Variants in TENM3 observed in about 807,000 individuals in gnomAD.
TENM3 encodes teneurin transmembrane protein 3, also known as teneurin-3.
TENM3 carries 63 observed loss-of-function variants against 255.1 expected under a neutral mutation model. The ratio of observed to expected loss-of-function variants is 0.25; its 90% CI spans 0.20 to 0.30. The LOEUF (loss-of-function observed/expected upper bound fraction) is 0.30. Ranked by LOEUF, TENM3 falls within the 10% of genes least tolerant of loss-of-function variation. TENM3 has a pLI of 1.00. For synonymous variants in TENM3, 1,306 were observed against 1,322.3 expected (o/e 0.99, Z 0.27); for missense variants, 2,929 against 3,461.1 (o/e 0.85, Z 3.86).
In TENM3 at chr4:182,743,357, C is replaced by A. The variant is rs189480567; in HGVS notation, c.3567C>A (p.Gly1189=). ...ACGIDGSLYV[G]DFNYVRRIFP... ...GGATCGATGGCAGTCTGTACGTAGG[C>A]GATTTCAACTATGTGCGGCGGATAT... Residue 1189 remains glycine (G), a synonymous_variant, in exon 19 of 28, where the codon GGC becomes GGA. Transcript: ENST00000511685. 6.2e-7 allele frequency: 1 copy of A among 1,613,800 alleles called. No individual in the cohort carries two copies. The highest frequency in any genetic ancestry group is 1.7e-5 in the Admixed American group (1 of 60,004).
intron 1 of TENM3, among the ~76,000 whole-genome samples, chr4:182,285,989 G>A (rs896914609): frequency 1.3e-5 from 2 of 152,100 alleles, no homozygotes; most frequent in Non-Finnish European, 2.9e-5. Flanking sequence ...ACTTCCCAGG[G>A]CTTTGCTGGG....
chr4:182,208,093 G>T (rs1176086370), intron 1 of TENM3, among the ~76,000 whole-genome samples: 1 of 152,166 alleles, frequency 6.6e-6, no homozygotes, highest in African/African-American at 2.4e-5. Context: ...TTTTAATAAT[G>T]CAAGCTGCTT....
chr4:181,477,522 T>C, the TENM3 span, among the ~76,000 whole-genome samples: 309 of 152,312 alleles, frequency 2.0e-3, 3 homozygotes, highest in Admixed American at 0.016. Flanking sequence ...TGTAAAGGTT[T>C]GAATACCCAC....
At chr4:182,032,976 A>T in the TENM3 span, among the ~76,000 whole-genome samples, 1,062 of 143,964 alleles carry the variant, frequency 7.4e-3, 9 homozygotes, top group African/African-American at 0.025. Context: ...TATTTTATTA[A>T]TTTTTTCAAA....
chr4:182,162,625 A>T (rs1328642067), intron 1 of TENM3, among the ~76,000 whole-genome samples: 1 of 152,108 alleles, frequency 6.6e-6, no homozygotes, highest in African/African-American at 2.4e-5. Flanking sequence ...GACAATAGAA[A>T]TTTATTTTTC....
At chr4:181,982,358 C>T in the TENM3 span, among the ~76,000 whole-genome samples, 1 of 152,086 alleles carries the variant, frequency 6.6e-6, no homozygotes, top group Non-Finnish European at 1.5e-5. Flanking sequence ...AAAAAGAAAA[C>T]AATTCAGAGC....
the TENM3 span, among the ~76,000 whole-genome samples, chr4:181,786,760 C>G: frequency 2.6e-5 from 4 of 150,946 alleles, no homozygotes; most frequent in African/African-American, 9.8e-5. Context: ...CATAGGGAGT[C>G]GCTCCCAGCA....
At position 182,569,490 on chromosome 4, in the gene TENM3, G is replaced by T. The variant is rs192940530; in HGVS notation, c.512-31434G>T. 2.2e-3 allele frequency among the ~76,000 whole-genome samples: 328 copies of T among 151,818 alleles called. 2 individuals are homozygous for T. Among genetic ancestry groups the T allele is most frequent in the Admixed American group, 7.0e-3 (107 of 15,230 alleles). On this transcript the variant is annotated intron_variant, in intron 3 of 27. Transcript: ENST00000511685. The stretch of plus-strand genomic sequence containing the variant: ...AATGGCTTGAACCTGGGAGGCGGAG[G>T]TTGCAGCAAGCCAATATTGCGCCAC...
rs115432874 is a variant in TENM3, at chr4:182,335,666, C to G, written c.233-10985C>G. On this transcript the variant is annotated intron_variant, in intron 2 of 27. Coordinates refer to ENST00000511685, the MANE Select transcript of TENM3 (RefSeq NM_001080477.4). ...AAATTAGAATGTTTCTAACAGAAAA[C>G]CCAGAAGAAAAGATAGACTTAAATG... Among the ~76,000 whole-genome samples, 1,360 of 151,690 alleles carry G rather than the reference C, an allele frequency of 9.0e-3. 21 individuals carry two copies. The highest frequency in any genetic ancestry group is 0.032 in the African/African-American group (1,315 of 41,394).
the TENM3 span, among the ~76,000 whole-genome samples, chr4:182,094,270 G>A: frequency 7.9e-5 from 12 of 151,804 alleles, no homozygotes; most frequent in African/African-American, 2.7e-4. Context: ...TTTTGAGACG[G>A]AGTTTTGCTC....
At chr4:182,100,837 ATACT>A in the TENM3 span, among the ~76,000 whole-genome samples, 1 of 5,936 alleles carries the variant, frequency 1.7e-4, no homozygotes, top group African/African-American at 3.3e-4. Context: ...ATATATATAT[ATACT>A]CATATATATA....
intron 1 of TENM3, among the ~76,000 whole-genome samples, chr4:182,161,772 T>C: frequency 1.9e-4 from 1 of 5,264 alleles, no homozygotes; most frequent in Non-Finnish European, 3.8e-4. Context: ...TATATGTGTA[T>C]ATATATATAC....
chr4:182,336,186 T>G (rs1218753941), intron 2 of TENM3, among the ~76,000 whole-genome samples: 1 of 152,186 alleles, frequency 6.6e-6, no homozygotes, highest in Non-Finnish European at 1.5e-5. Flanking sequence ...CAGTTCTTCA[T>G]TCAGACACAG....
the TENM3 span, among the ~76,000 whole-genome samples, chr4:181,892,954 T>C: frequency 2.6e-5 from 4 of 152,226 alleles, no homozygotes; most frequent in Admixed American, 6.5e-5. Flanking sequence ...AATTCTACCA[T>C]TGAATTTAAA....
intron 24 of TENM3, among the ~76,000 whole-genome samples, chr4:182,781,254 T>C (rs1381702219): frequency 1.3e-5 from 2 of 148,722 alleles, no homozygotes; most frequent in Admixed American, 6.7e-5. Context: ...TTATTGAGAG[T>C]TTTTAGCATG....
the TENM3 span, among the ~76,000 whole-genome samples, chr4:181,890,750 A>G: frequency 6.6e-6 from 1 of 152,134 alleles, no homozygotes; most frequent in Non-Finnish European, 1.5e-5. Flanking sequence ...TTTGTATGGA[A>G]AATCATTAGT....
chr4:182,111,189 C>CTTTTTTTTTTTTTTTT, the TENM3 span, among the ~76,000 whole-genome samples: 3 of 80,534 alleles, frequency 3.7e-5, no homozygotes, highest in Non-Finnish European at 6.7e-5. Context: ...GTCTTCTTCT[C>CTTTTTTTTTTTTTTTT]TTTTTTTTTT....
the TENM3 span, among the ~76,000 whole-genome samples, chr4:181,626,944 G>T: frequency 3.9e-5 from 6 of 152,308 alleles, no homozygotes; most frequent in Admixed American, 1.3e-4. Context: ...GAAAGATGCT[G>T]GTGCCTAGAA....
chr4:182,205,139 T>C (rs975898643), intron 1 of TENM3, among the ~76,000 whole-genome samples: 15 of 152,236 alleles, frequency 9.9e-5, no homozygotes, highest in African/African-American at 2.7e-4. Flanking sequence ...CTTCGGCATC[T>C]GACTTTGAAA....
Sources: allele counts gnomAD v4.1 joint callset (sites outside exome capture counted in the v4.1 genomes callset), GRCh38; gene constraint gnomAD v4.1.1; transcripts MANE v1.5; gene names NCBI Gene and HGNC (gene_info 2026-07-23, HGNC 2026-07-21).